The following RBM33 variants were observed in gnomAD, a reference collection of about 807,000 sequenced individuals.
RBM33 encodes the protein RNA-binding protein 33.
In RBM33, 28 loss-of-function variants were observed where a neutral mutation model predicts 132.6. The observed-to-expected ratio is 0.21, with a 90% CI of 0.16 to 0.29. The LOEUF is 0.29. RBM33 is among the 10% of genes least tolerant of loss of function. RBM33 has a pLI of 1.00. For missense variants in RBM33, 1,291 were observed against 1,518.5 expected, an observed-to-expected ratio of 0.85 and a Z score of 2.49; for synonymous variants, 634 against 593.0, an observed-to-expected ratio of 1.07 and a Z score of -1.01.
At chr7:155,673,754 A>ACGCG (rs145463119) in intron 3 of RBM33, among the ~76,000 whole-genome samples, 9,077 of 61,204 alleles carry the variant, frequency 0.15, 702 homozygotes, top group African/African-American at 0.2. Context: ...ACGTGTATAT[A>ACGCG]CGCGCGCATG....
chr7:155,656,833 C>T (rs1798505617), intron 1 of RBM33, among the ~76,000 whole-genome samples: 1 of 152,182 alleles, frequency 6.6e-6, no homozygotes, highest in Non-Finnish European at 1.5e-5. Context: ...ACCCTTACCT[C>T]ATTTCCTGTC....
At chr7:155,670,447 T>C (rs1451370513) in intron 2 of RBM33, among the ~76,000 whole-genome samples, 1 of 152,240 alleles carries the variant, frequency 6.6e-6, no homozygotes, top group Admixed American at 6.5e-5. Context: ...TTATTCCTTA[T>C]GTGTACATCC....
intron 14 of RBM33, among the ~76,000 whole-genome samples, chr7:155,759,415 C>CTTTTTTTTTT (rs58449648): frequency 1.5e-4 from 17 of 113,994 alleles, no homozygotes; most frequent in South Asian, 2.8e-4. Flanking sequence ...TGTTTATGTT[C>CTTTTTTTTTT]TTTTTTTTTT....
Position 155,741,874 on chromosome 7 carries a change from C to A in RBM33, c.2105C>A (p.Ala702Glu), listed in dbSNP as rs758819572. 1 of 1,613,996 alleles carries A rather than the reference C, an allele frequency of 6.2e-7. No individual in the cohort carries two copies. Among genetic ancestry groups the A allele is most frequent in the Admixed American group, 1.7e-5 (1 of 60,024 alleles). The stretch of plus-strand genomic sequence containing the variant: ...CCCATGCAGCAAATGCAGCCCACTG[C>A]GCCAAGGAACAGCAATTTGCGTGAA... The part of the protein sequence containing the change: ...KRPMQQMQPT[A>E]PRNSNLRELP... Residue 702 changes from alanine (A) to glutamate (E), a missense_variant, in exon 13 of 18, where the codon GCG becomes GAG. Ala to Glu is a moderately radical substitution (Grantham distance 107). Around this residue, in one of 7 missense-constraint regions of RBM33, gnomAD observed 841 missense variants for 912.0 expected, o/e 0.92. Coordinates refer to ENST00000401878, the MANE Select transcript of RBM33 (RefSeq NM_053043.3).
chr7:155,780,116 C>T lies in RBM33; in HGVS notation c.*5075C>T, dbSNP rs1802763283. 1 of 152,186 alleles carries T rather than the reference C, an allele frequency of 6.6e-6. No individual in the cohort carries two copies. Among genetic ancestry groups the T allele is most frequent in the Non-Finnish European group, 1.5e-5 (1 of 68,028 alleles). The allele number at this position is 152,186 out of a possible 1,614,324, so 9.4% of individuals were successfully genotyped here. A position where few individuals can be genotyped will look rare whatever the true frequency, so the allele number is the denominator to read the frequency against. ...TCTTTTAGCATGATTTTCTTTTAAA[C>T]TGCTTTTCATTTTAAGGGCACCCGT... On this transcript the variant is annotated 3_prime_UTR_variant, in exon 18 of 18. Coordinates refer to ENST00000401878, the MANE Select transcript of RBM33 (RefSeq NM_053043.3).
chr7:155,703,288 G>A (rs1483852984), intron 6 of RBM33, among the ~76,000 whole-genome samples: 2 of 152,090 alleles, frequency 1.3e-5, no homozygotes, highest in South Asian at 2.1e-4. Flanking sequence ...TGGAAACTTT[G>A]TGTTCATGTA....
chr7:155,698,111 G>A (rs1467786744), intron 5 of RBM33, among the ~76,000 whole-genome samples: 11 of 152,172 alleles, frequency 7.2e-5, no homozygotes, highest in African/African-American at 2.7e-4. Flanking sequence ...GCTCAGGCCT[G>A]TAATCCCAGC....
intron 3 of RBM33, among the ~76,000 whole-genome samples, chr7:155,674,196 T>C (rs1415855280): frequency 2.0e-5 from 3 of 152,042 alleles, no homozygotes; most frequent in Non-Finnish European, 4.4e-5. Context: ...TAAACTGAAA[T>C]ACATCCGTAT....
chr7:155,666,347 T>A (rs1370223159), intron 2 of RBM33, among the ~76,000 whole-genome samples: 1 of 152,202 alleles, frequency 6.6e-6, no homozygotes, highest in African/African-American at 2.4e-5. Context: ...CAACTCCAAC[T>A]TTTTGGGTAA....
At chr7:155,647,289 A>G (rs964905119) in intron 1 of RBM33, among the ~76,000 whole-genome samples, 1 of 152,154 alleles carries the variant, frequency 6.6e-6, no homozygotes, top group African/African-American at 2.4e-5. Context: ...AACCTACAAA[A>G]TGTTCGAGAT....
chr7:155,672,106 T>C (rs531515925), intron 2 of RBM33, among the ~76,000 whole-genome samples: 26 of 152,194 alleles, frequency 1.7e-4, no homozygotes, highest in Non-Finnish European at 3.4e-4. Flanking sequence ...AAAATTTATT[T>C]TTTTTTTCAG....
rs1436449966 is a variant in RBM33, at chr7:155,774,765, C to G, written c.3464+118C>G. On this transcript the variant is annotated intron_variant, in intron 17 of 17. Coordinates refer to ENST00000401878, the MANE Select transcript of RBM33 (RefSeq NM_053043.3). The surrounding 1 kb of genome is among the most constrained non-coding windows in gnomAD (Gnocchi z 4.2). The stretch of plus-strand genomic sequence containing the variant: ...GTCCCCACCTGTTCCTGTAGAAGGA[C>G]ACTAGGGCACAAAGCGCAGACGGTG... 4 of 902,480 alleles carry G rather than the reference C, an allele frequency of 4.4e-6. No individual in the cohort carries two copies. Among genetic ancestry groups the G allele is most frequent in the African/African-American group, 3.3e-5 (2 of 60,704 alleles). The allele number at this position is 902,480 out of a possible 1,614,324, so 55.9% of individuals were successfully genotyped here.
chr7:155,661,872 TG>T (rs1487950016), intron 1 of RBM33, among the ~76,000 whole-genome samples: 1 of 152,216 alleles, frequency 6.6e-6, no homozygotes, highest in African/African-American at 2.4e-5. Flanking sequence ...TTATGTTGCC[TG>T]CTTTTTGTTG....
At chr7:155,644,949 A>G (rs769706246) in intron 1 of RBM33, 30 bp downstream of exon 1, 60 of 1,472,518 alleles carry the variant, frequency 4.1e-5, no homozygotes, top group Non-Finnish European at 5.2e-5. Flanking sequence ...TCTGGGGGCC[A>G]GGACCGCGCC....
intron 9 of RBM33, among the ~76,000 whole-genome samples, chr7:155,729,742 CAAAAAAA>C (rs5888634): frequency 3.2e-4 from 32 of 101,384 alleles, no homozygotes; most frequent in Non-Finnish European, 6.1e-4. Context: ...GTCTCTTTAA[CAAAAAAA>C]AAAAAAAAAA....
intron 3 of RBM33, among the ~76,000 whole-genome samples, chr7:155,673,841 G>A (rs1353302281): frequency 7.0e-6 from 1 of 142,288 alleles, no homozygotes; most frequent in East Asian, 2.2e-4. Context: ...ACACATAAAA[G>A]TAGAATGTAT....
intron 5 of RBM33, among the ~76,000 whole-genome samples, chr7:155,688,948 C>T (rs1428764849): frequency 1.3e-5 from 2 of 152,122 alleles, no homozygotes; most frequent in African/African-American, 2.4e-5. Context: ...TTTGTTGTGT[C>T]TCTGCCAGGC....
At chr7:155,674,349 A>T (rs527785169) in intron 3 of RBM33, among the ~76,000 whole-genome samples, 242 of 151,888 alleles carry the variant, frequency 1.6e-3, no homozygotes, top group Non-Finnish European at 2.7e-3. Context: ...TCTATTGGGG[A>T]ATTATTTTGC....
At chr7:155,712,669 A>T (rs1359428433) in intron 8 of RBM33, among the ~76,000 whole-genome samples, 1 of 152,216 alleles carries the variant, frequency 6.6e-6, no homozygotes, top group Non-Finnish European at 1.5e-5. Flanking sequence ...AGGCAGAGTG[A>T]TCAGCAAGTA....
Sources: allele counts gnomAD v4.1 joint callset (sites outside exome capture counted in the v4.1 genomes callset), GRCh38; gene constraint gnomAD v4.1.1; regional missense constraint gnomAD v4.1.1; non-coding constraint Gnocchi (gnomAD v3.1); transcripts MANE v1.5; gene names NCBI Gene and HGNC (gene_info 2026-07-23, HGNC 2026-07-21).